TUBB8B: variants seen among roughly 807,000 people sequenced by gnomAD.
TUBB8B encodes the protein HSA18p11 beta-tubulin 4Q pseudogene.
TUBB8B carries 26 observed loss-of-function variants against 31.9 expected under a neutral mutation model. The ratio of observed to expected loss-of-function variants is 0.81; its 90% CI spans 0.60 to 1.13. The LOEUF (loss-of-function observed/expected upper bound fraction) is 1.13. Among genes scored for constraint, TUBB8B ranks in the 50% most tolerant of loss-of-function variants. The pLI is 0.00. For missense variants in TUBB8B, 467 were observed against 586.7 expected, an observed-to-expected ratio of 0.80 and a Z score of 2.11; for synonymous variants, 173 against 231.0, an observed-to-expected ratio of 0.75 and a Z score of 2.28.
At chr18:70,439 C>G in the TUBB8B span, among the ~76,000 whole-genome samples, 25,244 of 130,734 alleles carry the variant, frequency 0.19, no homozygotes, top group African/African-American at 0.33. Flanking sequence ...TTGAGACCAG[C>G]CTTGCCAACA....
At chr18:53,179 A>C (rs541864700), upstream of TUBB8B, among the ~76,000 whole-genome samples, 1 of 151,824 alleles carries the variant, frequency 6.6e-6, no homozygotes, top group Non-Finnish European at 1.5e-5. Context: ...TCATATTAAG[A>C]TAGAGAATTC....
chr18:56,983 T>C, the TUBB8B span, among the ~76,000 whole-genome samples: 5 of 151,864 alleles, frequency 3.3e-5, no homozygotes, highest in African/African-American at 1.2e-4. Flanking sequence ...ATTGTGAGAA[T>C]GGCACCAAAG....
upstream of TUBB8B, among the ~76,000 whole-genome samples, chr18:52,767 G>A (rs191975256): frequency 6.1e-3 from 927 of 151,938 alleles, 6 homozygotes; most frequent in South Asian, 0.012. Context: ...GAGTCAGAGA[G>A]CAAAGTGAAC....
chr18:58,154 C>CT, the TUBB8B span, among the ~76,000 whole-genome samples: 152 of 124,890 alleles, frequency 1.2e-3, 3 homozygotes, highest in Middle Eastern at 4.3e-3. Flanking sequence ...TCAACACTTG[C>CT]TTTTTTTTTT....
At chr18:68,835 G>A in the TUBB8B span, among the ~76,000 whole-genome samples, 1 of 152,108 alleles carries the variant, frequency 6.6e-6, no homozygotes, top group Non-Finnish European at 1.5e-5. Context: ...GTGGCCTGCA[G>A]TCTCGTATGC....
the TUBB8B span, among the ~76,000 whole-genome samples, chr18:60,089 G>A: frequency 1.3e-5 from 2 of 151,684 alleles, no homozygotes; most frequent in South Asian, 4.1e-4. Flanking sequence ...GAATGAGTTT[G>A]GAAATGTTCT....
the TUBB8B span, among the ~76,000 whole-genome samples, chr18:68,969 A>T: frequency 6.6e-6 from 1 of 152,224 alleles, no homozygotes; most frequent in Non-Finnish European, 1.5e-5. Flanking sequence ...AAAATCCTTA[A>T]AGTCACTGCA....
chr18:57,609 G>A, the TUBB8B span, among the ~76,000 whole-genome samples: 37 of 151,962 alleles, frequency 2.4e-4, no homozygotes, highest in Admixed American at 2.6e-4. Context: ...CAGGTGCAAA[G>A]TGCAAGCTGT....
chr18:50,001 C>T (rs199770340), upstream of TUBB8B: 2 of 430,858 alleles, frequency 4.6e-6, no homozygotes, highest in East Asian at 7.1e-5. Flanking sequence ...TTAGGAAAGG[C>T]CTTCCATATG....
At chr18:49,806 G>A (rs1216393323), upstream of TUBB8B, 1 of 633,384 alleles carries the variant, frequency 1.6e-6, no homozygotes, top group Non-Finnish European at 2.9e-6. Flanking sequence ...GGGGAAAGCT[G>A]CTCAGCTGGA....
Position 49,590 on chromosome 18 carries a change from G to A in TUBB8B, c.-33C>T, listed in dbSNP as rs1463699201. On this transcript the variant is annotated 5_prime_UTR_variant, in exon 1 of 4. Coordinates refer to ENST00000308911, the MANE Select transcript of TUBB8B (RefSeq NM_001358689.2). Reference sequence around the variant, plus strand: ...GCAGGATTAGGGCGGCAGCAGAAGCGCGAGAAGGAGGAGCAGACGCGCAGC... The same window carrying A: ...GCAGGATTAGGGCGGCAGCAGAAGCACGAGAAGGAGGAGCAGACGCGCAGC... 1.0e-5 allele frequency: 8 copies of A among 775,776 alleles called. 1 individual carries two copies. Among genetic ancestry groups the A allele is most frequent in the African/African-American group, 3.5e-5 (2 of 57,494 alleles). 48.1% of individuals were successfully genotyped at this position (775,776 alleles called of 1,614,324 possible).
chr18:65,282 C>T, the TUBB8B span, among the ~76,000 whole-genome samples: 2 of 151,592 alleles, frequency 1.3e-5, no homozygotes, highest in African/African-American at 2.4e-5. Flanking sequence ...GCATGGGTGA[C>T]AAGAGTGAGA....
At chr18:57,733 T>A in the TUBB8B span, among the ~76,000 whole-genome samples, 1 of 151,912 alleles carries the variant, frequency 6.6e-6, no homozygotes, top group Non-Finnish European at 1.5e-5. Context: ...ATTTCTTCAC[T>A]GCATTGTTTT....
upstream of TUBB8B, among the ~76,000 whole-genome samples, chr18:52,095 C>G (rs796931777): frequency 6.6e-6 from 1 of 151,834 alleles, no homozygotes; most frequent in Non-Finnish European, 1.5e-5. Context: ...GCTTCTAGGA[C>G]CACCTTCCCT....
Position 49,040 on chromosome 18 carries a change from G to C in TUBB8B, c.177C>G (p.Tyr59Ter), listed in dbSNP as rs766475635. The change falls in exon 3 of 4, where the codon TAC becomes TAG. Residue 59 changes from tyrosine to a stop codon, truncating the protein, a stop_gained. Transcript: ENST00000308911. LOFTEE classifies it high-confidence loss of function. ...GATCCACGAGCACAGCGCGGGGCAC[G>C]TACCTGCCACCTGCGTGGGGCGGGA... is the stretch of plus-strand genomic sequence containing the variant. Reference protein sequence around the residue: ...VHHHEASGGRYVPRAVLVDLE... With the variant: ...VHHHEASGGR 2 of 1,604,290 alleles carry C rather than the reference G, an allele frequency of 1.2e-6. No individual in the cohort carries two copies. The highest frequency in any genetic ancestry group is 2.2e-5 in the South Asian group (2 of 90,794).
chr18:68,981 G>C, the TUBB8B span, among the ~76,000 whole-genome samples: 1 of 152,222 alleles, frequency 6.6e-6, no homozygotes, highest in Non-Finnish European at 1.5e-5. Flanking sequence ...GTCACTGCAG[G>C]TGTGGTATCT....
upstream of TUBB8B, among the ~76,000 whole-genome samples, chr18:51,962 C>CT (rs1212703577): frequency 6.6e-6 from 1 of 151,428 alleles, no homozygotes; most frequent in East Asian, 1.9e-4. Context: ...CCTGTGGACT[C>CT]TGACAGGCAA....
chr18:66,854 T>C, the TUBB8B span, among the ~76,000 whole-genome samples: 1 of 152,194 alleles, frequency 6.6e-6, no homozygotes, highest in African/African-American at 2.4e-5. Flanking sequence ...TAGGTGGCTT[T>C]GTGTAGTACT....
At chr18:55,680 A>G in the TUBB8B span, among the ~76,000 whole-genome samples, 3 of 151,790 alleles carry the variant, frequency 2.0e-5, no homozygotes, top group Admixed American at 2.0e-4. Flanking sequence ...GGGGATTACA[A>G]TTCAATATGA....
Sources: gnomAD v4.1 joint callset for allele counts (sites outside exome capture counted in the v4.1 genomes callset) on GRCh38, gnomAD v4.1.1 for gene constraint, MANE v1.5 for transcripts, NCBI Gene and HGNC (gene_info 2026-07-23, HGNC 2026-07-21) for gene names.